Variants in SETD3 observed in about 807,000 individuals in gnomAD.
SETD3 encodes the protein SET domain containing 3, actin N3(tau)-histidine methyltransferase.
A neutral mutation model predicts 63.0 loss-of-function variants in SETD3; 19 were observed. The ratio of observed to expected loss-of-function variants is 0.30; its 90% confidence interval spans 0.21 to 0.44. The LOEUF (loss-of-function observed/expected upper bound fraction) is 0.44, where lower values mean the gene tolerates loss of function less well. SETD3 is among the 20% of genes least tolerant of loss of function. The pLI is 1.00. For synonymous variants in SETD3, 286 were observed against 264.1 expected (o/e 1.08, Z -0.80); for missense variants, 587 against 728.5 (o/e 0.81, Z 2.24).
At chr14:99,466,999 A>G (rs1417879915) in intron 1 of SETD3, among the ~76,000 whole-genome samples, 1 of 152,230 alleles carries the variant, frequency 6.6e-6, no homozygotes, top group Non-Finnish European at 1.5e-5. Context: ...CATGTGAAGA[A>G]CTATGCTAGG....
chr14:99,402,600 C>T (rs576298721), intron 11 of SETD3, among the ~76,000 whole-genome samples: 11 of 152,088 alleles, frequency 7.2e-5, no homozygotes, highest in Non-Finnish European at 1.5e-4. Flanking sequence ...ACTCTTCCCC[C>T]ACTCCCCACC....
chr14:99,434,847 CAAAAAAAAAAAAAAAA>C (rs71110599), intron 6 of SETD3, among the ~76,000 whole-genome samples: 2 of 30,430 alleles, frequency 6.6e-5, no homozygotes, highest in Non-Finnish European at 1.1e-4. Context: ...AACTCTGCCT[CAAAAAAAAAAAAAAAA>C]AAAAAAAAAA....
Position 99,423,343 on chromosome 14 carries a change from C to T in SETD3, c.676-9409G>A, listed in dbSNP as rs185434045. On this transcript the variant is annotated intron_variant, in intron 6 of 12. Transcript: ENST00000331768. ...TTACTAGTAAAATGTCCCATTAAAA[C>T]GGCAACGAACTGAATTATAGGATTA... 8.6e-5 allele frequency among the ~76,000 whole-genome samples: 13 copies of T among 151,756 alleles called. No individual in the cohort carries two copies. In the East Asian group the frequency reaches 9.7e-4, roughly 11 times the overall value.
At position 99,405,314 on chromosome 14, in the gene SETD3, A is replaced by G. The variant is rs764729717; in HGVS notation, c.982T>C (p.Phe328Leu). 2.5e-6 allele frequency: 4 copies of G among 1,614,214 alleles called. No individual in the cohort carries two copies. Among genetic ancestry groups the G allele is most frequent in the South Asian group, 1.1e-5 (1 of 91,076 alleles). Residue 328 changes from phenylalanine to leucine, a missense_variant, in exon 10 of 13, where the codon TTC (phenylalanine) becomes CTC (leucine). By Grantham distance (22) the Phe-to-Leu change is conservative. Transcript: ENST00000331768. ...NAEFVIHSGF[F>L]FDNNSHDRVK... ...CTGTCGTGTGAGTTATTGTCAAAGAAAAAACCACTGTGGATCACAAACTCT... is the reference window on the plus strand; with the variant it reads ...CTGTCGTGTGAGTTATTGTCAAAGAGAAAACCACTGTGGATCACAAACTCT...
chr14:99,459,250 C>A, intron 4 of SETD3, 65 bp from the exon 5 acceptor site: 1 of 1,154,200 alleles, frequency 8.7e-7, no homozygotes, highest in Non-Finnish European at 1.3e-6. Flanking sequence ...CCAACCATAT[C>A]TACGGTCAGA....
At chr14:99,404,161 GCTTTACA>G in intron 11 of SETD3, 57 bp downstream of exon 11, 1 of 1,349,030 alleles carries the variant, frequency 7.4e-7, no homozygotes, top group Non-Finnish European at 1.0e-6. Context: ...GAATCCCTAT[GCTTTACA>G]CTTTCATGAT....
intron 6 of SETD3, among the ~76,000 whole-genome samples, chr14:99,442,322 A>G (rs1170454349): frequency 6.6e-6 from 1 of 152,254 alleles, no homozygotes; most frequent in Non-Finnish European, 1.5e-5. Flanking sequence ...TATTCATTCA[A>G]CAGACAATTA....
intron 6 of SETD3, among the ~76,000 whole-genome samples, chr14:99,438,556 C>T (rs182269912): frequency 3.7e-4 from 56 of 152,226 alleles, no homozygotes; most frequent in African/African-American, 1.3e-3. Flanking sequence ...CAATTTATTC[C>T]AGAATCCTCA....
At chr14:99,408,315 A>G (rs1697311656) in intron 8 of SETD3, among the ~76,000 whole-genome samples, 2 of 152,228 alleles carry the variant, frequency 1.3e-5, no homozygotes, top group Admixed American at 1.3e-4. Flanking sequence ...ATTCTAGAAC[A>G]TTTCACTCGC....
At chr14:99,438,933 T>TC (rs1382633327) in intron 6 of SETD3, among the ~76,000 whole-genome samples, 1 of 152,202 alleles carries the variant, frequency 6.6e-6, no homozygotes, top group African/African-American at 2.4e-5. Context: ...GTTAATTACA[T>TC]CAGAAGAATG....
rs1300233571 is a variant in SETD3 at position 99,458,398 on chromosome 14, G to A, written c.556C>T (p.Pro186Ser). The change falls in exon 6 of 13, where the codon CCT becomes TCT. Residue 186 changes from proline to serine, a missense_variant. By Grantham distance (74) the Pro-to-Ser change is moderately conservative. Coordinates refer to ENST00000331768, the MANE Select transcript of SETD3 (RefSeq NM_032233.3). Reference protein sequence around the residue: ...IQTLPSEYDTPLYFEEDEVRY... With the variant: ...IQTLPSEYDTSLYFEEDEVRY... ...ACTTCATCTTCTTCAAAGTAGAGAG[G>A]AGTGTCATATTCACTGGGGAGGGTT... 1 of 1,614,118 alleles carries A rather than the reference G, an allele frequency of 6.2e-7. No homozygotes were observed. Among genetic ancestry groups the A allele is most frequent in the South Asian group, 1.1e-5 (1 of 91,084 alleles).
chr14:99,466,004 A>C (rs2144798), intron 1 of SETD3, among the ~76,000 whole-genome samples, 191 bp from the exon 2 acceptor site: 63,529 of 151,710 alleles, frequency 0.42, 13,777 homozygotes, highest in East Asian at 0.56. Flanking sequence ...AAAAAAAAAA[A>C]TCTGCTTTGT....
At chr14:99,437,632 T>TG (rs1893557930) in intron 6 of SETD3, among the ~76,000 whole-genome samples, 1 of 152,170 alleles carries the variant, frequency 6.6e-6, no homozygotes, top group Non-Finnish European at 1.5e-5. Flanking sequence ...GACTTGTGTG[T>TG]GACCGTGTGA....
At chr14:99,475,666 GT>G (rs1011220831) in intron 1 of SETD3, among the ~76,000 whole-genome samples, 20 of 152,230 alleles carry the variant, frequency 1.3e-4, no homozygotes, top group Non-Finnish European at 2.5e-4. Context: ...TCAATGAACT[GT>G]TTTTTTTTTA....
chr14:99,482,783 TAAAG>T (rs1229040275), upstream of SETD3, among the ~76,000 whole-genome samples: 1 of 152,222 alleles, frequency 6.6e-6, no homozygotes, highest in Non-Finnish European at 1.5e-5. Flanking sequence ...TTGAATGTCA[TAAAG>T]AAAAATTGGT....
At chr14:99,437,451 A>C (rs546617527) in intron 6 of SETD3, among the ~76,000 whole-genome samples, 2 of 152,308 alleles carry the variant, frequency 1.3e-5, no homozygotes, top group South Asian at 4.1e-4. Context: ...CAACCCCTCA[A>C]TGTGATTACA....
At chr14:99,449,932 C>T (rs1210550278) in intron 6 of SETD3, among the ~76,000 whole-genome samples, 1 of 152,156 alleles carries the variant, frequency 6.6e-6, no homozygotes, top group Non-Finnish European at 1.5e-5. Context: ...CCCAGAAATA[C>T]TAGTCCCTAT....
chr14:99,430,599 G>A (rs1380179092), intron 6 of SETD3, among the ~76,000 whole-genome samples: 4 of 152,164 alleles, frequency 2.6e-5, no homozygotes, highest in African/African-American at 7.2e-5. Context: ...CATTTATCAA[G>A]TGCCAAACAT....
At chr14:99,436,466 G>A (rs1198634907) in intron 6 of SETD3, among the ~76,000 whole-genome samples, 3 of 152,162 alleles carry the variant, frequency 2.0e-5, no homozygotes. Context: ...GCATCTCACT[G>A]CAGCCTGACA....
Sources: gnomAD v4.1 joint callset for allele counts (sites outside exome capture counted in the v4.1 genomes callset) on GRCh38, gnomAD v4.1.1 for gene constraint, MANE v1.5 for transcripts, NCBI Gene and HGNC (gene_info 2026-07-23, HGNC 2026-07-21) for gene names.